Variants in SCGB2B2 observed in about 807,000 individuals in gnomAD.
SCGB2B2 encodes secretoglobin family 2B member 2.
SCGB2B2 carries 11 observed loss-of-function variants against 7.6 expected under a neutral mutation model. The ratio of observed to expected loss-of-function variants is 1.45; its 90% CI spans 0.91 to 2.40. The LOEUF is 2.40. SCGB2B2 is among the 30% of genes most tolerant of loss of function. SCGB2B2 has a pLI of 0.00. For missense variants in SCGB2B2, 104 were observed against 115.4 expected (o/e 0.90, Z 0.45); for synonymous variants, 50 against 48.6 (o/e 1.03, Z -0.12).
intron 1 of SCGB2B2, among the ~76,000 whole-genome samples, chr19:34,643,377 T>TA (rs1440493250): frequency 3.9e-5 from 6 of 151,962 alleles, no homozygotes; most frequent in South Asian, 2.1e-4. Context: ...GTTGACCTCA[T>TA]AAAGGTAGAG....
At chr19:34,607,777 C>T (rs1010997746) in intron 1 of SCGB2B2, among the ~76,000 whole-genome samples, 3 of 152,140 alleles carry the variant, frequency 2.0e-5, no homozygotes, top group African/African-American at 7.2e-5. Flanking sequence ...GGGCCTTTGC[C>T]CATTTTTAAT....
intron 1 of SCGB2B2, among the ~76,000 whole-genome samples, chr19:34,636,456 C>A (rs138737701): frequency 3.9e-5 from 6 of 152,338 alleles, no homozygotes; most frequent in East Asian, 3.9e-4. Flanking sequence ...AGCTTGTCTG[C>A]TGGTGACACA....
chr19:34,611,546 G>C (rs939351129), intron 1 of SCGB2B2, among the ~76,000 whole-genome samples: 11 of 151,860 alleles, frequency 7.2e-5, no homozygotes, highest in Non-Finnish European at 1.3e-4. Flanking sequence ...TTAAATGTAG[G>C]TATTTATCAT....
At chr19:34,610,498 G>A (rs1012234938) in intron 1 of SCGB2B2, among the ~76,000 whole-genome samples, 3 of 152,090 alleles carry the variant, frequency 2.0e-5, no homozygotes, top group Non-Finnish European at 4.4e-5. Context: ...TACCCGGTTT[G>A]TTAAGAGTTT....
intron 1 of SCGB2B2, among the ~76,000 whole-genome samples, chr19:34,663,834 AAG>A (rs948366978): frequency 3.3e-5 from 5 of 152,130 alleles, no homozygotes; most frequent in East Asian, 1.9e-4. Context: ...GCAGAGGGGA[AAG>A]AGAGAAAGAA....
intron 1 of SCGB2B2, among the ~76,000 whole-genome samples, chr19:34,668,279 G>A (rs1364124051): frequency 6.6e-6 from 1 of 152,178 alleles, no homozygotes; most frequent in South Asian, 2.1e-4. Flanking sequence ...GGCGGGCCCC[G>A]CACTCCGAGC....
intron 1 of SCGB2B2, among the ~76,000 whole-genome samples, chr19:34,671,238 C>T (rs754857341): frequency 3.3e-5 from 5 of 152,180 alleles, no homozygotes; most frequent in Non-Finnish European, 5.9e-5. Flanking sequence ...TATGGATGTC[C>T]AGTTGTTCCA....
At chr19:34,633,354 C>A (rs1034392718) in intron 1 of SCGB2B2, among the ~76,000 whole-genome samples, 1 of 152,092 alleles carries the variant, frequency 6.6e-6, no homozygotes, top group African/African-American at 2.4e-5. Flanking sequence ...TTTGTAATAG[C>A]CCCAAACTAG....
chr19:34,631,398 C>T (rs1208654629), intron 1 of SCGB2B2, among the ~76,000 whole-genome samples: 1 of 151,200 alleles, frequency 6.6e-6, no homozygotes, highest in Non-Finnish European at 1.5e-5. Context: ...TCTTCTTCCA[C>T]TGTGGGCCAG....
At chr19:34,648,895 A>T (rs929704914) in intron 1 of SCGB2B2, among the ~76,000 whole-genome samples, 1 of 151,628 alleles carries the variant, frequency 6.6e-6, no homozygotes, top group Admixed American at 6.6e-5. Flanking sequence ...TTTATGATTT[A>T]TTTTATTTAT....
At chr19:34,661,293 G>T (rs113809673) in intron 1 of SCGB2B2, among the ~76,000 whole-genome samples, 1 of 151,292 alleles carries the variant, frequency 6.6e-6, no homozygotes, top group African/African-American at 2.4e-5. Context: ...ATAAATAAAC[G>T]TGCAATGACA....
chr19:34,625,263 A>G (rs1435347112), intron 1 of SCGB2B2, among the ~76,000 whole-genome samples: 1 of 152,122 alleles, frequency 6.6e-6, no homozygotes, highest in Non-Finnish European at 1.5e-5. Flanking sequence ...GGAGTGTTGG[A>G]TAGTGGGTGC....
At chr19:34,608,684 T>TATATATATATATATATATAC (rs879668084) in intron 1 of SCGB2B2, 244 of 126,440 alleles carry the variant, frequency 1.9e-3, no homozygotes, top group South Asian at 3.6e-3. Context: ...TATATATATA[T>TATATATATATATATATATAC]ACCGTATTTT....
intron 1 of SCGB2B2, among the ~76,000 whole-genome samples, chr19:34,601,792 G>T (rs1219899026): frequency 6.6e-6 from 1 of 151,938 alleles, no homozygotes; most frequent in East Asian, 1.9e-4. Flanking sequence ...ATTTTTACTT[G>T]TCTTGCTTTA....
chr19:34,607,926 T>C (rs1483019999), intron 1 of SCGB2B2, among the ~76,000 whole-genome samples: 1 of 152,202 alleles, frequency 6.6e-6, no homozygotes, highest in Non-Finnish European at 1.5e-5. Flanking sequence ...CTCAGAATTC[T>C]TTTGGCTTTT....
chr19:34,639,707 G>A (rs2066788243), intron 1 of SCGB2B2, among the ~76,000 whole-genome samples: 1 of 152,132 alleles, frequency 6.6e-6, no homozygotes, highest in Non-Finnish European at 1.5e-5. Context: ...AATGCTTGAG[G>A]ACCTATCTTG....
At chr19:34,662,218 C>A (rs1045049025) in intron 1 of SCGB2B2, among the ~76,000 whole-genome samples, 32 of 152,120 alleles carry the variant, frequency 2.1e-4, no homozygotes, top group African/African-American at 7.2e-4. Flanking sequence ...AACAATTCTT[C>A]TTCTTTCAGT....
chr19:34,669,171 G>A (rs1215571923), intron 1 of SCGB2B2, among the ~76,000 whole-genome samples: 1 of 152,016 alleles, frequency 6.6e-6, no homozygotes, highest in African/African-American at 2.4e-5. Flanking sequence ...CACTCACTGC[G>A]AGGGTCCGCG....
chr19:34,661,812 T>C (rs2067465149), intron 1 of SCGB2B2, among the ~76,000 whole-genome samples: 1 of 150,494 alleles, frequency 6.6e-6, no homozygotes, highest in South Asian at 2.1e-4. Flanking sequence ...TTTAAAAACA[T>C]TATGAGTTTT....
Sources: gnomAD v4.1 joint callset for allele counts (sites outside exome capture counted in the v4.1 genomes callset) on GRCh38, gnomAD v4.1.1 for gene constraint, MANE v1.5 for transcripts, NCBI Gene and HGNC (gene_info 2026-07-23, HGNC 2026-07-21) for gene names.